TULP4: variants seen among roughly 807,000 people sequenced by gnomAD.
TULP4 encodes TUB like protein 4, also known as tubby-related protein 4.
TULP4 carries 16 observed loss-of-function variants against 129.0 expected under a neutral mutation model. The observed-to-expected ratio is 0.12, with a 90% CI of 0.08 to 0.19. TULP4 has a LOEUF of 0.19. Ranked by LOEUF, TULP4 falls within the 10% of genes least tolerant of loss-of-function variation. TULP4 has a pLI of 1.00. For synonymous variants in TULP4, 998 were observed against 854.0 expected (o/e 1.17, Z -2.94); for missense variants, 1,842 against 2,059.1 (o/e 0.89, Z 2.04).
intron 1 of TULP4, among the ~76,000 whole-genome samples, chr6:158,411,126 G>GGAA (rs1554288732): frequency 1.9e-5 from 1 of 52,170 alleles, no homozygotes; most frequent in African/African-American, 6.2e-5. Flanking sequence ...AGGTAAAAGT[G>GGAA]AAAAAAAAAA....
chr6:158,290,185 C>T (rs1482868188), intron 1 of TULP4, among the ~76,000 whole-genome samples: 1 of 152,202 alleles, frequency 6.6e-6, no homozygotes, highest in Non-Finnish European at 1.5e-5. Context: ...TCCACATCAG[C>T]ATTTGTTATT....
chr6:158,467,970 CA>C (rs1779590340), intron 6 of TULP4, among the ~76,000 whole-genome samples: 1 of 152,196 alleles, frequency 6.6e-6, no homozygotes, highest in African/African-American at 2.4e-5. Flanking sequence ...CAGGGGGCAC[CA>C]GCTGCAGAGA....
rs1554298313 is a variant in TULP4, at chr6:158,511,406, A to C, written c.*4712A>C. 7.1e-6 allele frequency: 1 copy of C among 141,440 alleles called. No homozygotes were observed. Among genetic ancestry groups the C allele is most frequent in the African/African-American group, 2.7e-5 (1 of 36,366 alleles). The allele number at this position is 141,440 out of a possible 1,614,324, so 8.8% of individuals were successfully genotyped here. ...TCTTTTTCCCTTTTTTTTTTTTTTA[A>C]CCGTAAGTGCACGATGCAGGTGCAT... On this transcript the variant is annotated 3_prime_UTR_variant, in exon 14 of 14. Coordinates refer to ENST00000367097, the MANE Select transcript of TULP4 (RefSeq NM_020245.5).
chr6:158,312,531 G>A lies in TULP4; in HGVS notation c.-1486G>A, dbSNP rs1395647083. ...TTTCAGTGGGTTTGGTGATTTGGAC[G>A]GATTAAAATTCTAGACTGAAAAGTA... On this transcript the variant is annotated 5_prime_UTR_variant, in exon 1 of 14. Coordinates refer to ENST00000367097, the MANE Select transcript of TULP4 (RefSeq NM_020245.5). The A allele has an allele frequency of 6.3e-6, 1 of 157,774 alleles. No homozygotes were observed. Among genetic ancestry groups the A allele is most frequent in the Non-Finnish European group, 1.4e-5 (1 of 72,004 alleles). The allele number at this position is 157,774 out of a possible 1,614,324, so 9.8% of individuals were successfully genotyped here.
chr6:158,397,879 A>G (rs1249769773), intron 1 of TULP4: 2 of 152,220 alleles, frequency 1.3e-5, no homozygotes, highest in East Asian at 1.9e-4. Flanking sequence ...TGCAAAACCA[A>G]TTTACCTGTT....
chr6:158,442,331 A>G (rs1778916015), intron 3 of TULP4, among the ~76,000 whole-genome samples: 1 of 152,174 alleles, frequency 6.6e-6, no homozygotes, highest in African/African-American at 2.4e-5. Flanking sequence ...AAATTTTGAA[A>G]TGGGAAAGGA....
At chr6:158,455,785 C>A (rs918392564) in intron 5 of TULP4, among the ~76,000 whole-genome samples, 13 of 152,098 alleles carry the variant, frequency 8.5e-5, no homozygotes, top group African/African-American at 2.9e-4. Flanking sequence ...CTGTGTCTTC[C>A]TAGTTTCAGA....
At position 158,502,905 on chromosome 6, in the gene TULP4, C is replaced by A. The variant is rs755180125; in HGVS notation, c.3242C>A (p.Thr1081Asn). ...CCACCCGACAGCGCCCGCGACCGCA[C>A]CGACTACGTCAACTCGGCCTTCACG... ...LSPPDSARDRTDYVNSAFTED... is the reference protein window; with the variant it reads ...LSPPDSARDRNDYVNSAFTED... Residue 1081 changes from threonine to asparagine, a missense_variant, in exon 13 of 14, where the codon ACC (threonine) becomes AAC (asparagine). By Grantham distance (65) the Thr-to-Asn change is moderately conservative. Around this residue, in one of 5 missense-constraint regions of TULP4, gnomAD observed 1,089 missense variants for 987.1 expected, o/e 1.10. Coordinates refer to ENST00000367097, the MANE Select transcript of TULP4 (RefSeq NM_020245.5). 6.2e-7 allele frequency: 1 copy of A among 1,614,056 alleles called. No homozygotes were observed. Among genetic ancestry groups the A allele is most frequent in the South Asian group, 1.1e-5 (1 of 91,074 alleles).
chr6:158,315,450 G>A (rs1228998778), intron 1 of TULP4, among the ~76,000 whole-genome samples: 1 of 151,866 alleles, frequency 6.6e-6, no homozygotes, highest in African/African-American at 2.4e-5. Flanking sequence ...CAAATTTTGG[G>A]GGCACACAAA....
intron 8 of TULP4, 56 bp from the exon 9 acceptor site, chr6:158,489,532 G>C (rs1293142388): frequency 9.2e-5 from 148 of 1,603,778 alleles, no homozygotes; most frequent in Non-Finnish European, 9.0e-5. Context: ...AATGATCATT[G>C]GTAGGGGCTA....
At chr6:158,242,729 C>G (rs1777946719) in intron 1 of TULP4, 2 of 499,738 alleles carry the variant, frequency 4.0e-6, no homozygotes, top group African/African-American at 3.9e-5. Flanking sequence ...TATTGACAGG[C>G]TTGAGAGCAC....
intron 5 of TULP4, 130 bp from the exon 6 acceptor site, chr6:158,461,433 A>C: frequency 1.1e-6 from 1 of 949,382 alleles, no homozygotes; most frequent in African/African-American, 1.7e-5. Flanking sequence ...AAAAGGAAAA[A>C]ACCATGAATA....
intron 6 of TULP4, among the ~76,000 whole-genome samples, chr6:158,475,245 G>T (rs1395418580): frequency 6.6e-6 from 1 of 152,210 alleles, no homozygotes; most frequent in Non-Finnish European, 1.5e-5. Flanking sequence ...GGAGAAGCCT[G>T]CCCCTCCATG....
intron 1 of TULP4, among the ~76,000 whole-genome samples, chr6:158,385,862 T>TTTTTTTTTTTA (rs71030163): frequency 6.9e-6 from 1 of 144,378 alleles, no homozygotes; most frequent in South Asian, 2.2e-4. Flanking sequence ...TTTTTTTTTT[T>TTTTTTTTTTTA]GAGAAAAAGT....
At chr6:158,299,338 C>A (rs1178476233) in intron 1 of TULP4, among the ~76,000 whole-genome samples, 1 of 152,098 alleles carries the variant, frequency 6.6e-6, no homozygotes, top group Non-Finnish European at 1.5e-5. Flanking sequence ...CCATATGAGT[C>A]ATTTTTTTTA....
At chr6:158,411,233 T>C (rs1389582933) in intron 1 of TULP4, among the ~76,000 whole-genome samples, 1 of 152,188 alleles carries the variant, frequency 6.6e-6, no homozygotes, top group Non-Finnish European at 1.5e-5. Flanking sequence ...GATATATTAT[T>C]GTTTGCACAA....
intron 1 of TULP4, chr6:158,242,382 T>G (rs765718861): frequency 3.6e-5 from 54 of 1,494,614 alleles, no homozygotes; most frequent in Admixed American, 1.0e-4. Flanking sequence ...AGGGTTTGTT[T>G]TCCTCTCCTC....
At chr6:158,506,222 CT>C (rs61292138) in intron 13 of TULP4, among the ~76,000 whole-genome samples, 2,892 of 55,176 alleles carry the variant, frequency 0.052, 7 homozygotes, top group African/African-American at 0.069. Flanking sequence ...TCGCCTTGTT[CT>C]TTTTTTTTTT....
chr6:158,354,781 A>G (rs1780606295), intron 1 of TULP4, among the ~76,000 whole-genome samples: 3 of 150,882 alleles, frequency 2.0e-5, no homozygotes, highest in African/African-American at 7.3e-5. Flanking sequence ...CTGGCTGCTC[A>G]GGAAGCTGAG....
Sources: gnomAD v4.1 joint callset for allele counts (sites outside exome capture counted in the v4.1 genomes callset) on GRCh38, gnomAD v4.1.1 for gene constraint, gnomAD v4.1.1 regional missense constraint, MANE v1.5 for transcripts, NCBI Gene and HGNC (gene_info 2026-07-23, HGNC 2026-07-21) for gene names.